The following PLXDC1 variants were observed in gnomAD, a reference collection of about 807,000 sequenced individuals.
The protein encoded by PLXDC1 is plexin domain-containing protein 1.
In PLXDC1, 39 loss-of-function variants were observed where a neutral mutation model predicts 61.3. That is an observed-to-expected ratio of 0.64 (90% CI 0.49 to 0.83). The LOEUF is 0.83. PLXDC1 is among the 40% of genes least tolerant of loss of function. The probability of loss-of-function intolerance (pLI) is 0.00; values close to 1 mark genes in which losing one functional copy is unlikely to be tolerated. For missense variants in PLXDC1, 596 were observed against 666.5 expected, an observed-to-expected ratio of 0.89 and a Z score of 1.17; for synonymous variants, 212 against 254.5, an observed-to-expected ratio of 0.83 and a Z score of 1.59.
intron 2 of PLXDC1, among the ~76,000 whole-genome samples, chr17:39,127,943 C>CAA (rs35444362): frequency 0.012 from 632 of 52,328 alleles, 1 homozygote; most frequent in Non-Finnish European, 0.014. Context: ...CTCCATCTCA[C>CAA]AAAAAAAAAA....
intron 11 of PLXDC1, among the ~76,000 whole-genome samples, chr17:39,076,915 T>C (rs971079745): frequency 6.6e-6 from 1 of 152,110 alleles, no homozygotes; most frequent in African/African-American, 2.4e-5. Flanking sequence ...TTTGTATTTT[T>C]AGTAGAGATG....
Position 39,098,901 on chromosome 17 carries a change from T to C in PLXDC1, c.811+6953A>G, listed in dbSNP as rs375479314. Reference sequence around the variant, plus strand: ...CGGAGGGAGGGTTTGGAAATGCGCCTGCGTGGTTGACTGCACCCAGCTGTG... The same window carrying C: ...CGGAGGGAGGGTTTGGAAATGCGCCCGCGTGGTTGACTGCACCCAGCTGTG... On this transcript the variant is annotated intron_variant, in intron 7 of 13. Coordinates refer to ENST00000315392, the MANE Select transcript of PLXDC1 (RefSeq NM_020405.5). 1.7e-4 allele frequency among the ~76,000 whole-genome samples: 26 copies of C among 152,296 alleles called. No individual in the cohort carries two copies. In the East Asian group the frequency reaches 1.9e-3, roughly 11 times the overall value.
At chr17:39,091,073 T>A (rs934724272) in intron 7 of PLXDC1, among the ~76,000 whole-genome samples, 4 of 152,148 alleles carry the variant, frequency 2.6e-5, no homozygotes, top group Non-Finnish European at 5.9e-5. Context: ...GCCCCCACAG[T>A]CCAGGCTGCC....
intron 1 of PLXDC1, among the ~76,000 whole-genome samples, chr17:39,145,314 G>C (rs1241418699): frequency 1.3e-5 from 2 of 152,174 alleles, no homozygotes; most frequent in African/African-American, 4.8e-5. Flanking sequence ...GCTGGCACTG[G>C]TCCCATTTCA....
At chr17:39,092,462 T>G (rs778806613) in intron 7 of PLXDC1, among the ~76,000 whole-genome samples, 1 of 152,246 alleles carries the variant, frequency 6.6e-6, no homozygotes, top group Non-Finnish European at 1.5e-5. Context: ...AGCGCCACCA[T>G]GCAGCACATT....
In PLXDC1 at chr17:39,097,902, TAA is replaced by T. The variant is rs71141758; in HGVS notation, c.811+7950_811+7951del. On this transcript the variant is annotated intron_variant, in intron 7 of 13. Coordinates refer to ENST00000315392, the MANE Select transcript of PLXDC1 (RefSeq NM_020405.5). ...GAGCGACAGAGCAAGACCCTGTCTA[TAA>T]AAAAAAAAAAAAAAAAAAGGCCAGG... is the stretch of plus-strand genomic sequence containing the variant. Among the ~76,000 whole-genome samples, 58 of 102,702 alleles carry T rather than the reference TAA, an allele frequency of 5.6e-4. 1 individual carries two copies. Among genetic ancestry groups the T allele is most frequent in the Admixed American group, 8.6e-4 (8 of 9,252 alleles). The allele number at this position is 102,702 out of a possible 152,430, so 67.4% of individuals were successfully genotyped here.
At chr17:39,097,659 A>G (rs78486696) in intron 7 of PLXDC1, among the ~76,000 whole-genome samples, 1,929 of 152,086 alleles carry the variant, frequency 0.013, 34 homozygotes, top group African/African-American at 0.044. Flanking sequence ...AAGCCAGAGC[A>G]TGGCTTGAGC....
chr17:39,104,252 A>T (rs1318342633), intron 7 of PLXDC1, among the ~76,000 whole-genome samples: 1 of 152,190 alleles, frequency 6.6e-6, no homozygotes, highest in Non-Finnish European at 1.5e-5. Flanking sequence ...TATTTTACAG[A>T]TAAAGAAATA....
intron 1 of PLXDC1, among the ~76,000 whole-genome samples, chr17:39,149,340 A>G (rs979284736): frequency 2.0e-5 from 3 of 151,972 alleles, no homozygotes; most frequent in Non-Finnish European, 4.4e-5. Flanking sequence ...TCCGCCATCA[A>G]TCAGGTCAGG....
At chr17:39,136,456 C>G (rs924130269) in intron 2 of PLXDC1, among the ~76,000 whole-genome samples, 9 of 152,106 alleles carry the variant, frequency 5.9e-5, no homozygotes, top group Non-Finnish European at 1.3e-4. Context: ...TTATGTTGCC[C>G]AGGCTGGTCT....
In PLXDC1 at chr17:39,108,105, T is replaced by A. The variant is rs968109960; in HGVS notation, c.592+18A>T. 6.2e-7 allele frequency: 1 copy of A among 1,614,130 alleles called. No homozygotes were observed. Among genetic ancestry groups the A allele is most frequent in the Non-Finnish European group, 8.5e-7 (1 of 1,179,982 alleles). On this transcript the variant is annotated intron_variant, in intron 5 of 13. Coordinates refer to ENST00000315392, the MANE Select transcript of PLXDC1 (RefSeq NM_020405.5). ...ATCCCTGGAGCTGGGTGACTTAAAT[T>A]CTGAGATCCAGTCTCACCATTGTCA...
At chr17:39,113,793 G>A (rs1910885718) in intron 2 of PLXDC1, among the ~76,000 whole-genome samples, 1 of 152,056 alleles carries the variant, frequency 6.6e-6, no homozygotes. Context: ...CGAGGCTGCA[G>A]GGAGCTGTGA....
chr17:39,077,869 C>T, intron 11 of PLXDC1, 44 bp downstream of exon 11: 1 of 1,610,186 alleles, frequency 6.2e-7, no homozygotes, highest in Non-Finnish European at 8.5e-7. Flanking sequence ...GGTAGCTCTC[C>T]TTCCTGGCCT....
chr17:39,074,745 G>A (rs1057213844), intron 11 of PLXDC1, among the ~76,000 whole-genome samples: 1 of 152,080 alleles, frequency 6.6e-6, no homozygotes, highest in African/African-American at 2.4e-5. Flanking sequence ...GTGGGGCAGG[G>A]TATGTTTGCA....
intron 9 of PLXDC1, among the ~76,000 whole-genome samples, chr17:39,081,897 G>A (rs1206519834): frequency 2.0e-5 from 3 of 152,100 alleles, no homozygotes; most frequent in African/African-American, 4.8e-5. Flanking sequence ...AGCTGTGATT[G>A]CACCACTGCA....
Position 39,087,666 on chromosome 17 carries a change from A to T in PLXDC1, c.848T>A (p.Ile283Lys). 6.2e-7 allele frequency: 1 copy of T among 1,614,080 alleles called. No individual in the cohort carries two copies. Among genetic ancestry groups the T allele is most frequent in the Non-Finnish European group, 8.5e-7 (1 of 1,179,982 alleles). ...GGTGACCTTGCTGGGGTCCAGCTCT[A>T]TGCGGTGATATTCAAAGATGCTCCT... ...RRRSIFEYHR[I>K]ELDPSKVTSM... is the part of the protein sequence containing the mutation. Residue 283 changes from isoleucine to lysine, a missense_variant, in exon 8 of 14, where the codon ATA (isoleucine) becomes AAA (lysine). Ile to Lys is a moderately radical substitution (Grantham distance 102, BLOSUM62 -3). Transcript: ENST00000315392.
At chr17:39,094,101 A>C (rs995323495) in intron 7 of PLXDC1, among the ~76,000 whole-genome samples, 1 of 152,094 alleles carries the variant, frequency 6.6e-6, no homozygotes, top group Non-Finnish European at 1.5e-5. Flanking sequence ...TGTAATTCAC[A>C]TGCCCAGAGG....
In PLXDC1 at chr17:39,142,601, C is replaced by T. The variant is rs763590633; in HGVS notation, c.77-2769G>A. On this transcript the variant is annotated intron_variant, in intron 1 of 13. Transcript: ENST00000315392. ...AGTGGCACAATCACAGCTCACTGTA[C>T]GCTTGACCTCTCAGGCTCAAGCAAT... 1.2e-4 allele frequency among the ~76,000 whole-genome samples: 19 copies of T among 152,198 alleles called. No individual in the cohort carries two copies. In the South Asian group the frequency reaches 1.9e-3, roughly 15 times the overall value.
rs771016694 is a variant in PLXDC1 at position 39,105,959 on chromosome 17, G to T, written c.712-6C>A. 6.2e-7 allele frequency: 1 copy of T among 1,605,852 alleles called. No homozygotes were observed. The highest frequency in any genetic ancestry group is 1.1e-5 in the South Asian group (1 of 90,726). ...TCCGGGACAGACATAGGGATCTGCG[G>T]CAGGGAGAAGAGACTCCGTCCACCT... is the stretch of plus-strand genomic sequence containing the variant. On this transcript the variant is annotated splice_polypyrimidine_tract_variant and splice_region_variant and intron_variant, in intron 6 of 13. Transcript: ENST00000315392.
Sources: allele counts gnomAD v4.1 joint callset (sites outside exome capture counted in the v4.1 genomes callset), GRCh38; gene constraint gnomAD v4.1.1; transcripts MANE v1.5; gene names NCBI Gene and HGNC (gene_info 2026-07-23, HGNC 2026-07-21).